LSS: variants seen among roughly 807,000 people sequenced by gnomAD.
The protein encoded by LSS is 2,3-epoxysqualene-lanosterol cyclase.
LSS carries 90 observed loss-of-function variants against 110.3 expected under a neutral mutation model. The observed-to-expected ratio is 0.82, with a 90% CI of 0.69 to 0.97. The LOEUF (loss-of-function observed/expected upper bound fraction) is 0.97, where lower values mean the gene tolerates loss of function less well. LSS is among the 50% of genes least tolerant of loss of function. The pLI, the probability that LSS is intolerant of heterozygous loss-of-function variation, is 0.00. For missense variants in LSS, 927 were observed against 990.0 expected (o/e 0.94, Z 0.85); for synonymous variants, 433 against 400.0 (o/e 1.08, Z -0.98).
Position 46,189,709 on chromosome 21 carries a change from A to T in LSS, c.*1395T>A, listed in dbSNP as rs1414398961. The T allele has an allele frequency of 6.6e-6, 3 of 456,638 alleles. No individual in the cohort carries two copies. Among genetic ancestry groups the T allele is most frequent in the Non-Finnish European group, 1.3e-5 (3 of 226,916 alleles). The allele number at this position is 456,638 out of a possible 1,614,324, so 28.3% of individuals were successfully genotyped here. On this transcript the variant is annotated 3_prime_UTR_variant, in exon 22 of 22. Transcript: ENST00000397728. ...TGAGGGAGAGTGATCAGCCAGGGGGAGAGGCCAGGGACTGCTACCTGCCCA... is the reference window on the plus strand; with the variant it reads ...TGAGGGAGAGTGATCAGCCAGGGGGTGAGGCCAGGGACTGCTACCTGCCCA...
chr21:46,215,341 TG>T, intron 8 of LSS, 43 bp from the exon 9 acceptor site: 1 of 1,376,044 alleles, frequency 7.3e-7, no homozygotes, highest in Non-Finnish European at 1.0e-6. Context: ...ACCATGACAC[TG>T]GCCTCAGCCT....
chr21:46,194,705 TC>T, intron 19 of LSS, 44 bp from the exon 20 acceptor site: 1 of 1,575,618 alleles, frequency 6.3e-7, no homozygotes. Flanking sequence ...CCAAGGAAGG[TC>T]CCAGACCCCT....
chr21:46,225,711 C>T (rs2080330746), intron 3 of LSS, among the ~76,000 whole-genome samples: 1 of 152,188 alleles, frequency 6.6e-6, no homozygotes, highest in Non-Finnish European at 1.5e-5. Context: ...AGCTGTCTCT[C>T]TCTCTCTCTC....
chr21:46,219,353 C>G, intron 6 of LSS, 123 bp downstream of exon 6: 1 of 588,332 alleles, frequency 1.7e-6, no homozygotes, highest in Non-Finnish European at 2.9e-6. Flanking sequence ...AGCCTAACTC[C>G]ACCCACCCAC....
At chr21:46,212,986 T>C (rs1221581629) in intron 11 of LSS, 39 bp downstream of exon 11, 1 of 1,613,274 alleles carries the variant, frequency 6.2e-7, no homozygotes. Context: ...GAGACATGAT[T>C]GCAAAGGAAG....
chr21:46,226,626 C>T (rs985560882), intron 3 of LSS, among the ~76,000 whole-genome samples: 54 of 152,204 alleles, frequency 3.5e-4, no homozygotes, highest in African/African-American at 1.3e-3. Flanking sequence ...ATTCTAAGGA[C>T]TAAAAGAAGA....
At chr21:46,195,168 C>T (rs1035934228) in intron 19 of LSS, among the ~76,000 whole-genome samples, 4 of 152,210 alleles carry the variant, frequency 2.6e-5, no homozygotes, top group African/African-American at 7.2e-5. Flanking sequence ...CATCTGTATG[C>T]CTGGAGGGGC....
intron 11 of LSS, among the ~76,000 whole-genome samples, chr21:46,212,163 G>C (rs1203260500): frequency 1.3e-5 from 2 of 152,216 alleles, no homozygotes; most frequent in African/African-American, 4.8e-5. Context: ...CACAAAACAC[G>C]GACAGTGTCC....
At chr21:46,204,677 C>T (rs566603738) in intron 17 of LSS, among the ~76,000 whole-genome samples, 17 of 152,028 alleles carry the variant, frequency 1.1e-4, no homozygotes, top group African/African-American at 3.4e-4. Context: ...AATTTAAAAA[C>T]TTTCCTCAAA....
In LSS at chr21:46,216,104, A is replaced by G. The variant is rs1448816732; in HGVS notation, c.783+285T>C. ...CAAACCTCGCCTCAGGCCTGCTTCC[A>G]GAGGACACAGTGCACATCTGCCTCC... is the stretch of plus-strand genomic sequence containing the variant. On this transcript the variant is annotated intron_variant, in intron 7 of 21. Coordinates refer to ENST00000397728, the MANE Select transcript of LSS (RefSeq NM_002340.6). The surrounding 1 kb of genome is among the most constrained non-coding windows in gnomAD (Gnocchi z 4.2). 6.6e-6 allele frequency among the ~76,000 whole-genome samples: 1 copy of G among 152,090 alleles called. No homozygotes were observed. The highest frequency in any genetic ancestry group is 1.5e-5 in the Non-Finnish European group (1 of 67,984).
At chr21:46,227,531 G>A (rs1362508355) in intron 3 of LSS, 21 bp downstream of exon 3, 2 of 1,613,466 alleles carry the variant, frequency 1.2e-6, no homozygotes, top group Non-Finnish European at 1.7e-6. Flanking sequence ...ATACCATCAG[G>A]CTGGGGCAGC....
At chr21:46,219,684 G>A (rs2080250443) in intron 5 of LSS, 112 bp from the exon 6 acceptor site, 2 of 591,678 alleles carry the variant, frequency 3.4e-6, no homozygotes, top group Non-Finnish European at 5.7e-6. Flanking sequence ...CTCTCCATGA[G>A]GCAAGGGCAG....
At chr21:46,208,058 C>T (rs1176870469) in intron 14 of LSS, among the ~76,000 whole-genome samples, 193 bp downstream of exon 14, 1 of 152,250 alleles carries the variant, frequency 6.6e-6, no homozygotes, top group African/African-American at 2.4e-5. Context: ...GCCAACTGTG[C>T]CTCCATGTGC....
intron 17 of LSS, among the ~76,000 whole-genome samples, chr21:46,198,996 A>G (rs2079946016): frequency 6.6e-6 from 1 of 152,192 alleles, no homozygotes; most frequent in African/African-American, 2.4e-5. Flanking sequence ...AACTTTTTAG[A>G]TACAACACCA....
rs761603654 is a variant in LSS, at chr21:46,215,195, G to A, written c.996C>T (p.Ser332=). The change falls in exon 9 of 22, where the codon AGC becomes AGT. Residue 332 remains serine (S), a synonymous_variant. Coordinates refer to ENST00000397728, the MANE Select transcript of LSS (RefSeq NM_002340.6). ...HIVADDRFTK[S]ISIGPISKTI... is the part of the protein sequence containing the mutation. ...GGGCACTGACCGGGCCGATGCTGAT[G>A]CTCTTGGTGAATCGGTCGTCGGCCA... is the stretch of plus-strand genomic sequence containing the variant. 6.2e-7 allele frequency: 1 copy of A among 1,610,456 alleles called. No individual in the cohort carries two copies. Among genetic ancestry groups the A allele is most frequent in the Non-Finnish European group, 8.5e-7 (1 of 1,179,870 alleles).
intron 17 of LSS, among the ~76,000 whole-genome samples, chr21:46,198,741 T>C (rs2079941939): frequency 6.7e-6 from 1 of 149,790 alleles, no homozygotes; most frequent in African/African-American, 2.5e-5. Context: ...TGCAGTCAAC[T>C]GATTTTTTAC....
At position 46,194,729 on chromosome 21, in the gene LSS, C is replaced by G. The variant is rs377380029; in HGVS notation, c.1818-68G>C. 7 of 1,511,560 alleles carry G rather than the reference C, an allele frequency of 4.6e-6. No individual in the cohort carries two copies. The East Asian group carries it at 6.9e-5, about 15-fold the overall frequency. 93.6% of individuals were successfully genotyped at this position (1,511,560 alleles called of 1,614,324 possible). Reference sequence around the variant, plus strand: ...GTCCCAGACCCCTGGCTTCTCACCCCAGCAGGCTGCCTTGGGGTACGGGGA... The same window carrying G: ...GTCCCAGACCCCTGGCTTCTCACCCGAGCAGGCTGCCTTGGGGTACGGGGA... On this transcript the variant is annotated intron_variant, in intron 19 of 21. Transcript: ENST00000397728.
chr21:46,207,955 C>T (rs2080075641), intron 14 of LSS, among the ~76,000 whole-genome samples: 1 of 152,250 alleles, frequency 6.6e-6, no homozygotes, highest in East Asian at 1.9e-4. Context: ...CCTCTGCCTT[C>T]CCCGGACACA....
chr21:46,210,744 C>G lies in LSS; in HGVS notation c.1138G>C (p.Gly380Arg). The G allele has an allele frequency of 6.2e-7, 1 of 1,613,986 alleles. No homozygotes were observed. The highest frequency in any genetic ancestry group is 8.5e-7 in the Non-Finnish European group (1 of 1,179,966). ...TCCCAGATCTGTGAGCCGTTGGTGC[C>G]CTACACACAAAGGATGGTGTTACAG... ...WMGLDGMKMQ[G>R]TNGSQIWDTA... Residue 380 changes from glycine (G) to arginine (R), a missense_variant and splice_region_variant, in exon 12 of 22, where the codon GGC (glycine) becomes CGC (arginine). Gly to Arg is a moderately radical substitution (Grantham distance 125). Transcript: ENST00000397728.
Sources: allele counts gnomAD v4.1 joint callset (sites outside exome capture counted in the v4.1 genomes callset), GRCh38; gene constraint gnomAD v4.1.1; non-coding constraint Gnocchi (gnomAD v3.1); transcripts MANE v1.5; gene names NCBI Gene and HGNC (gene_info 2026-07-23, HGNC 2026-07-21).